ZFC3H1: variants seen among roughly 807,000 people sequenced by gnomAD.
The protein encoded by ZFC3H1 is zinc finger C3H1 domain-containing protein.
In ZFC3H1, 71 loss-of-function variants were observed where a neutral mutation model predicts 243.7. That is an observed-to-expected ratio of 0.29 (90% CI 0.24 to 0.36). The LOEUF (loss-of-function observed/expected upper bound fraction) is 0.36. ZFC3H1 is among the 10% of genes least tolerant of loss of function. The pLI, the probability that ZFC3H1 is intolerant of heterozygous loss-of-function variation, is 1.00. For missense variants in ZFC3H1, 1,966 were observed against 2,317.1 expected, an observed-to-expected ratio of 0.85 and a Z score of 3.11; for synonymous variants, 838 against 813.0, an observed-to-expected ratio of 1.03 and a Z score of -0.52.
intron 18 of ZFC3H1, 121 bp from the exon 19 acceptor site, chr12:71,629,831 A>G (rs1880275968): frequency 1.6e-6 from 1 of 616,896 alleles, no homozygotes; most frequent in Admixed American, 2.9e-5. Flanking sequence ...AGTCAATAAC[A>G]CCTATGGCAT....
chr12:71,627,657 G>A, intron 21 of ZFC3H1, 94 bp downstream of exon 21: 1 of 1,235,648 alleles, frequency 8.1e-7, no homozygotes, highest in South Asian at 1.5e-5. Flanking sequence ...TTGATACTAG[G>A]AAAGAAACCT....
At chr12:71,650,977 A>G (rs562057491) in intron 2 of ZFC3H1, among the ~76,000 whole-genome samples, 6 of 152,214 alleles carry the variant, frequency 3.9e-5, no homozygotes, top group African/African-American at 1.2e-4. Context: ...ACTCCTTGTT[A>G]TTCCCCAAAC....
chr12:71,611,660 GAAAA>G (rs35052856), intron 32 of ZFC3H1, 122 bp downstream of exon 32: 56 of 107,428 alleles, frequency 5.2e-4, no homozygotes, highest in East Asian at 2.0e-3. Flanking sequence ...ATCTGTCCAG[GAAAA>G]AAAAAAAAAA....
intron 27 of ZFC3H1, 121 bp downstream of exon 27, chr12:71,619,194 G>A: frequency 1.4e-6 from 1 of 728,830 alleles, no homozygotes; most frequent in Non-Finnish European, 2.2e-6. Flanking sequence ...ATTCTGTTAA[G>A]TGGGTATTCA....
chr12:71,622,033 T>C (rs1261474959), intron 24 of ZFC3H1, among the ~76,000 whole-genome samples: 1 of 152,228 alleles, frequency 6.6e-6, no homozygotes, highest in Non-Finnish European at 1.5e-5. Flanking sequence ...ATCATTCTAC[T>C]TATCAAGCTT....
At chr12:71,662,277 C>T (rs532765108) in intron 1 of ZFC3H1, among the ~76,000 whole-genome samples, 1 of 152,196 alleles carries the variant, frequency 6.6e-6, no homozygotes, top group Admixed American at 6.5e-5. Context: ...TCTCCACCCT[C>T]GCATACACAT....
rs561653187 is a variant in ZFC3H1, at chr12:71,640,569, C to T, written c.1627+1867G>A. Reference sequence around the variant, plus strand: ...CTCAGAGCTTGGCTTTCCACAAGTCCACCCACCCCCAAGGCCATGCAACTG... The same window carrying T: ...CTCAGAGCTTGGCTTTCCACAAGTCTACCCACCCCCAAGGCCATGCAACTG... On this transcript the variant is annotated intron_variant, in intron 6 of 34. Transcript: ENST00000378743. Among the ~76,000 whole-genome samples the T allele has an allele frequency of 5.3e-5, 8 of 152,308 alleles. No homozygotes were observed. In the East Asian group the frequency reaches 1.4e-3, roughly 26 times the overall value.
chr12:71,635,905 CA>C (rs1485997681), intron 9 of ZFC3H1, among the ~76,000 whole-genome samples: 1 of 151,980 alleles, frequency 6.6e-6, no homozygotes, highest in African/African-American at 2.4e-5. Context: ...TAATAATTAT[CA>C]AAATTCTGTA....
At chr12:71,662,581 A>G (rs17110122) in intron 1 of ZFC3H1, among the ~76,000 whole-genome samples, 4,743 of 151,164 alleles carry the variant, frequency 0.031, 210 homozygotes, top group African/African-American at 0.11. Flanking sequence ...TGTGCAGATT[A>G]AAACTTTACA....
rs1282294312 is a variant in ZFC3H1 at position 71,657,198 on chromosome 12, T to C, written c.702A>G (p.Gln234=). 1 of 1,611,092 alleles carries C rather than the reference T, an allele frequency of 6.2e-7. No homozygotes were observed. Among genetic ancestry groups the C allele is most frequent in the Non-Finnish European group, 8.5e-7 (1 of 1,179,288 alleles). The change falls in exon 2 of 35, where the codon CAA becomes CAG. Residue 234 remains glutamine, a synonymous_variant. Transcript: ENST00000378743. ...TGATGCATTCTAGTTCCAACTGTAT[T>C]TGTTTATACTTTAAAAGCAAATCTT... ...TFEDLLLKYK[Q]IQLELECINK...
Position 71,613,338 on chromosome 12 carries a change from A to C in ZFC3H1, c.5624T>G (p.Leu1875Trp). Reference sequence around the variant, plus strand: ...AAGAATGTTAAGTTTTTCTTACCTCAATGCAAGTCCAGAATTAGCTGGCAT... The same window carrying C: ...AAGAATGTTAAGTTTTTCTTACCTCCATGCAAGTCCAGAATTAGCTGGCAT... ...SVMPANSGLA[L>W]RLLQHEWEES... is the part of the protein sequence containing the mutation. The change falls in exon 31 of 35, where the codon TTG (leucine) becomes TGG (tryptophan). Residue 1875 changes from leucine to tryptophan, a missense_variant. By Grantham distance (61) the Leu-to-Trp change is moderately conservative (BLOSUM62 -2). Coordinates refer to ENST00000378743, the MANE Select transcript of ZFC3H1 (RefSeq NM_144982.5). 6 of 1,608,284 alleles carry C rather than the reference A, an allele frequency of 3.7e-6. No homozygotes were observed. Among genetic ancestry groups the C allele is most frequent in the Non-Finnish European group, 5.1e-6 (6 of 1,176,526 alleles).
chr12:71,652,897 C>G (rs1471070578), intron 2 of ZFC3H1, among the ~76,000 whole-genome samples: 1 of 150,788 alleles, frequency 6.6e-6, no homozygotes, highest in Non-Finnish European at 1.5e-5. Flanking sequence ...AGCAAATTCT[C>G]TCTGGGGAAT....
intron 6 of ZFC3H1, 59 bp downstream of exon 6, chr12:71,642,377 A>G: frequency 2.0e-6 from 3 of 1,538,216 alleles, no homozygotes; most frequent in Non-Finnish European, 2.6e-6. Flanking sequence ...GAGTACCATA[A>G]TGACTATTCT....
intron 1 of ZFC3H1, among the ~76,000 whole-genome samples, chr12:71,660,984 T>G (rs1013942050): frequency 6.6e-6 from 1 of 151,356 alleles, no homozygotes; most frequent in African/African-American, 2.4e-5. Context: ...TTAATAAAAA[T>G]TTTTTTTAAT....
At chr12:71,642,202 T>G (rs1880617546) in intron 6 of ZFC3H1, among the ~76,000 whole-genome samples, 1 of 152,186 alleles carries the variant, frequency 6.6e-6, no homozygotes, top group South Asian at 2.1e-4. Flanking sequence ...AATGTCTTAT[T>G]TATTTGTTTT....
At position 71,632,909 on chromosome 12, in the gene ZFC3H1, T is replaced by C. The variant is rs1366308196; in HGVS notation, c.2794A>G (p.Lys932Glu). The C allele has an allele frequency of 2.5e-6, 4 of 1,612,890 alleles. 1 individual carries two copies. In the South Asian group the frequency reaches 4.4e-5, roughly 18 times the overall value. Residue 932 changes from lysine to glutamate, a missense_variant, in exon 14 of 35, where the codon AAA (lysine) becomes GAA (glutamate). Transcript: ENST00000378743. ...AVASKEIGKR[K>E]LEQDRFGPNK... Reference sequence around the variant, plus strand: ...ACCCCAAAGCGATCTTGTTCCAGTTTACGTTTTCCTATTTCTTTACTGGCC... The same window carrying C: ...ACCCCAAAGCGATCTTGTTCCAGTTCACGTTTTCCTATTTCTTTACTGGCC...
intron 19 of ZFC3H1, among the ~76,000 whole-genome samples, chr12:71,629,348 G>T (rs1380619138): frequency 6.6e-6 from 1 of 151,840 alleles, no homozygotes; most frequent in Non-Finnish European, 1.5e-5. Flanking sequence ...TCTATTTTTA[G>T]TAGAGACGGG....
intron 22 of ZFC3H1, 115 bp from the exon 23 acceptor site, chr12:71,624,407 A>G: frequency 9.0e-7 from 1 of 1,108,152 alleles, no homozygotes; most frequent in South Asian, 1.6e-5. Context: ...CTTCTGCAAA[A>G]AGGATTACTG....
Position 71,663,567 on chromosome 12 carries a change from G to A in ZFC3H1, c.44C>T (p.Ser15Leu). ...TTCAAGCTCCCCTTCTTCCTTCGGC[G>A]AGAGGCCACTGGAGGCCGGGGCCGG... Reference protein sequence around the residue: ...DTPAPASSGLSPKEEGELEDG... With the variant: ...DTPAPASSGLLPKEEGELEDG... The change falls in exon 1 of 35, where the codon TCG becomes TTG. Residue 15 changes from serine to leucine, a missense_variant. Transcript: ENST00000378743. The A allele has an allele frequency of 1.2e-6, 2 of 1,612,868 alleles. No individual in the cohort carries two copies. The highest frequency in any genetic ancestry group is 1.7e-6 in the Non-Finnish European group (2 of 1,180,034).
Sources: allele counts gnomAD v4.1 joint callset (sites outside exome capture counted in the v4.1 genomes callset), GRCh38; gene constraint gnomAD v4.1.1; transcripts MANE v1.5; gene names NCBI Gene and HGNC (gene_info 2026-07-23, HGNC 2026-07-21).